Variants in KDM7A observed in about 807,000 individuals in gnomAD.
KDM7A encodes the protein lysine-specific demethylase 7A.
Under a neutral mutation model 114.8 loss-of-function variants are expected in KDM7A, and 28 were observed. That is an observed-to-expected ratio of 0.24 (90% CI 0.18 to 0.33). KDM7A has a LOEUF of 0.33. KDM7A is among the 10% of genes least tolerant of loss of function. The pLI is 1.00. For missense variants in KDM7A, 942 were observed against 1,142.5 expected (o/e 0.82, Z 2.53); for synonymous variants, 423 against 397.8 (o/e 1.06, Z -0.75).
At chr7:140,157,916 C>T (rs993851155) in intron 1 of KDM7A, among the ~76,000 whole-genome samples, 8 of 151,412 alleles carry the variant, frequency 5.3e-5, no homozygotes, top group African/African-American at 1.9e-4. Flanking sequence ...TTGCAGTGAG[C>T]CGAGATCACA....
At chr7:140,125,460 C>A (rs1818684081) in intron 6 of KDM7A, among the ~76,000 whole-genome samples, 1 of 152,234 alleles carries the variant, frequency 6.6e-6, no homozygotes, top group South Asian at 2.1e-4. Flanking sequence ...TTTTTAATTA[C>A]ATTCCATTTT....
chr7:140,090,883 C>T lies in KDM7A; in HGVS notation c.*211G>A, dbSNP rs1296255740. ...TCAAGGTCTCTTTTTAAGGTTCTAC[C>T]CTCCTTCTTCCTCTCCCCCACCAGG... On this transcript the variant is annotated 3_prime_UTR_variant, in exon 20 of 20. Coordinates refer to ENST00000397560, the MANE Select transcript of KDM7A (RefSeq NM_030647.2). 1 of 533,778 alleles carries T rather than the reference C, an allele frequency of 1.9e-6. No individual in the cohort carries two copies. Among genetic ancestry groups the T allele is most frequent in the Admixed American group, 3.1e-5 (1 of 31,962 alleles). 33.1% of individuals were successfully genotyped at this position (533,778 alleles called of 1,614,324 possible).
intron 1 of KDM7A, among the ~76,000 whole-genome samples, chr7:140,149,819 G>T (rs981891654): frequency 5.3e-5 from 8 of 152,102 alleles, no homozygotes; most frequent in African/African-American, 1.9e-4. Flanking sequence ...ATGATAAATA[G>T]TATCAATTTC....
chr7:140,143,784 G>T (rs1259055298), intron 1 of KDM7A, among the ~76,000 whole-genome samples: 1 of 152,130 alleles, frequency 6.6e-6, no homozygotes, highest in Non-Finnish European at 1.5e-5. Context: ...TGACATTGCT[G>T]CTTGAATACT....
At chr7:140,138,974 T>C in intron 2 of KDM7A, 131 bp downstream of exon 2, 1 of 550,480 alleles carries the variant, frequency 1.8e-6, no homozygotes, top group Non-Finnish European at 3.2e-6. Flanking sequence ...TTGAGCAAAA[T>C]CTTTCCCTAC....
At chr7:140,144,326 CCA>C (rs1486453623) in intron 1 of KDM7A, among the ~76,000 whole-genome samples, 1 of 152,130 alleles carries the variant, frequency 6.6e-6, no homozygotes, top group Non-Finnish European at 1.5e-5. Flanking sequence ...TGGACCTCTA[CCA>C]CACACCATAT....
At chr7:140,151,439 C>T (rs1794398956) in intron 1 of KDM7A, among the ~76,000 whole-genome samples, 1 of 152,144 alleles carries the variant, frequency 6.6e-6, no homozygotes, top group Admixed American at 6.5e-5. Context: ...GGGAGACATT[C>T]GCTTGGGCTA....
rs576298121 is a variant in KDM7A at position 140,116,057 on chromosome 7, A to C, written c.1247-2475T>G. On this transcript the variant is annotated intron_variant, in intron 9 of 19. Coordinates refer to ENST00000397560, the MANE Select transcript of KDM7A (RefSeq NM_030647.2). ...GTTGGCCAGAGCATAGAGCTTTGGG[A>C]ACTCTCTTGCCCTGCCATGGAAATG... Among the ~76,000 whole-genome samples the C allele has an allele frequency of 2.0e-5, 3 of 152,292 alleles. No homozygotes were observed. In the East Asian group the frequency reaches 5.8e-4, roughly 29 times the overall value.
chr7:140,139,813 C>A (rs1794240930), intron 1 of KDM7A, among the ~76,000 whole-genome samples: 1 of 151,908 alleles, frequency 6.6e-6, no homozygotes, highest in African/African-American at 2.4e-5. Context: ...TCTAGCAAGG[C>A]CAAGATAAAA....
At chr7:140,123,800 G>A (rs1053168182) in intron 7 of KDM7A, among the ~76,000 whole-genome samples, 1 of 152,120 alleles carries the variant, frequency 6.6e-6, no homozygotes, top group East Asian at 1.9e-4. Context: ...ATAGTATGCC[G>A]GCCGGGCGTG....
At chr7:140,166,999 C>G (rs959459858) in intron 1 of KDM7A, among the ~76,000 whole-genome samples, 2 of 152,044 alleles carry the variant, frequency 1.3e-5, no homozygotes, top group South Asian at 4.2e-4. Context: ...TAAAGAAAAT[C>G]TCATTTATAA....
In KDM7A at chr7:140,088,878, T is replaced by C. The variant is rs186285898; in HGVS notation, c.*2216A>G. The C allele has an allele frequency of 4.4e-4, 78 of 177,818 alleles. No individual in the cohort carries two copies. The East Asian group carries it at 8.8e-3, about 20-fold the overall frequency. 11.0% of individuals were successfully genotyped at this position (177,818 alleles called of 1,614,324 possible). On this transcript the variant is annotated 3_prime_UTR_variant, in exon 20 of 20. Transcript: ENST00000397560. ...ATAAATTAAATTTCATTTTAATTCA[T>C]AAAAATAAAGTTTAATTTTAATTTT... is the stretch of plus-strand genomic sequence containing the variant.
intron 1 of KDM7A, among the ~76,000 whole-genome samples, chr7:140,172,610 G>A (rs938512538): frequency 6.6e-5 from 10 of 151,698 alleles, no homozygotes; most frequent in African/African-American, 1.9e-4. Flanking sequence ...CTGAGATTGC[G>A]CCACTGCACT....
At chr7:140,097,673 GA>G (rs764807735) in intron 14 of KDM7A, 31 bp from the exon 15 acceptor site, 6 of 1,298,936 alleles carry the variant, frequency 4.6e-6, no homozygotes, top group Admixed American at 1.7e-5. Context: ...GAGAAAAAGA[GA>G]AAGTCATTTG....
chr7:140,175,951 C>T (rs1794700307), intron 1 of KDM7A, among the ~76,000 whole-genome samples: 1 of 151,984 alleles, frequency 6.6e-6, no homozygotes. Context: ...CCCTTCGGGC[C>T]GCCGCAACCC....
At chr7:140,172,077 G>T (rs2116862622) in intron 1 of KDM7A, among the ~76,000 whole-genome samples, 1 of 152,192 alleles carries the variant, frequency 6.6e-6, no homozygotes, top group Middle Eastern at 3.4e-3. Flanking sequence ...AGATTGGGAG[G>T]ATGCAGGGAA....
At chr7:140,119,937 TGTTACCTA>T (rs1373536470) in intron 8 of KDM7A, among the ~76,000 whole-genome samples, 1 of 152,202 alleles carries the variant, frequency 6.6e-6, no homozygotes, top group African/African-American at 2.4e-5. Context: ...CCATAAGCAA[TGTTACCTA>T]GTAAAAGTCA....
chr7:140,100,660 TTATATATA>T (rs1244353345), intron 12 of KDM7A, among the ~76,000 whole-genome samples: 7 of 111,300 alleles, frequency 6.3e-5, no homozygotes, highest in Admixed American at 8.9e-5. Flanking sequence ...TTTTAAAAAG[TTATATATA>T]TATATATATA....
intron 11 of KDM7A, among the ~76,000 whole-genome samples, chr7:140,103,714 T>C (rs1390337358): frequency 6.6e-6 from 1 of 152,236 alleles, no homozygotes; most frequent in Non-Finnish European, 1.5e-5. Flanking sequence ...CTATCATTGA[T>C]GGACATTTGG....
Sources: gnomAD v4.1 joint callset for allele counts (sites outside exome capture counted in the v4.1 genomes callset) on GRCh38, gnomAD v4.1.1 for gene constraint, MANE v1.5 for transcripts, NCBI Gene and HGNC (gene_info 2026-07-23, HGNC 2026-07-21) for gene names.